YARS1: variants seen among roughly 807,000 people sequenced by gnomAD.
YARS1 encodes tyrosyl-tRNA synthetase 1, also known as tyrosine--tRNA ligase, cytoplasmic.
In YARS1, 36 loss-of-function variants were observed where a neutral mutation model predicts 62.2. The ratio of observed to expected loss-of-function variants is 0.58; its 90% CI spans 0.44 to 0.76. The LOEUF (loss-of-function observed/expected upper bound fraction) is 0.76, where lower values mean the gene tolerates loss of function less well. Ranked by LOEUF, YARS1 falls within the 30% of genes least tolerant of loss-of-function variation. The pLI is 0.00. For synonymous variants in YARS1, 234 were observed against 244.9 expected, an observed-to-expected ratio of 0.96 and a Z score of 0.42; for missense variants, 524 against 639.8, an observed-to-expected ratio of 0.82 and a Z score of 1.95.
chr1:32,816,916 T>C lies in YARS1; in HGVS notation c.57+272A>G, dbSNP rs556076084. The stretch of plus-strand genomic sequence containing the variant: ...ACTAAGCACCACGTCTGGCACTTAA[T>C]AGGGGGGTGGAATGGGAGTCCTGGA... On this transcript the variant is annotated intron_variant, in intron 1 of 12. Coordinates refer to ENST00000373477, the MANE Select transcript of YARS1 (RefSeq NM_003680.4). 541 of 586,684 alleles carry C rather than the reference T, an allele frequency of 9.2e-4. 2 individuals carry two copies. Among genetic ancestry groups the C allele is most frequent in the African/African-American group, 4.8e-4 (26 of 53,748 alleles). The allele number at this position is 586,684 out of a possible 1,614,324, so 36.3% of individuals were successfully genotyped here.
At chr1:32,786,334 G>T (rs779441646) in intron 8 of YARS1, 28 bp downstream of exon 8, 6 of 1,606,208 alleles carry the variant, frequency 3.7e-6, no homozygotes, top group Non-Finnish European at 1.7e-6. Flanking sequence ...AGATCTTCAT[G>T]AAAGGATTCC....
At chr1:32,806,861 T>C (rs1201427633) in intron 3 of YARS1, among the ~76,000 whole-genome samples, 3 of 152,196 alleles carry the variant, frequency 2.0e-5, no homozygotes, top group Admixed American at 1.3e-4. Flanking sequence ...CTATTGGGTA[T>C]TGTGCTGATT....
At chr1:32,813,207 T>C (rs568474256) in intron 1 of YARS1, among the ~76,000 whole-genome samples, 21 of 152,338 alleles carry the variant, frequency 1.4e-4, no homozygotes, top group African/African-American at 5.1e-4. Flanking sequence ...AAAACGAAGC[T>C]GTAACCCAAC....
chr1:32,816,038 G>A (rs1311949184), intron 1 of YARS1, among the ~76,000 whole-genome samples: 1 of 151,520 alleles, frequency 6.6e-6, no homozygotes, highest in African/African-American at 2.4e-5. Context: ...GAACCTGGGA[G>A]GCGGAGGTTG....
intron 4 of YARS1, among the ~76,000 whole-genome samples, chr1:32,805,903 A>T (rs1448156530): frequency 2.0e-5 from 3 of 152,232 alleles, no homozygotes. Flanking sequence ...CGGAGGTTGC[A>T]GTGAGCCGAG....
chr1:32,812,743 C>A (rs1401797997), intron 1 of YARS1, among the ~76,000 whole-genome samples: 1 of 152,128 alleles, frequency 6.6e-6, no homozygotes, highest in African/African-American at 2.4e-5. Context: ...GAGGCCAAGG[C>A]GGGCAGATCA....
At chr1:32,783,190 C>T (rs532909408) in intron 8 of YARS1, 1 of 153,936 alleles carries the variant, frequency 6.5e-6, no homozygotes, top group South Asian at 2.0e-4. Context: ...GTGAAGCTAA[C>T]AACAGCTATA....
intron 6 of YARS1, among the ~76,000 whole-genome samples, chr1:32,788,564 T>C (rs544870780): frequency 6.6e-6 from 1 of 152,244 alleles, no homozygotes; most frequent in Admixed American, 6.5e-5. Context: ...CCCAAGTAGC[T>C]GGGATTACAG....
intron 5 of YARS1, among the ~76,000 whole-genome samples, chr1:32,796,437 C>T (rs1653586709): frequency 6.6e-6 from 1 of 150,872 alleles, no homozygotes; most frequent in African/African-American, 2.4e-5. Flanking sequence ...GTGATCATGG[C>T]TCACTGCAGC....
intron 1 of YARS1, among the ~76,000 whole-genome samples, chr1:32,815,306 G>T (rs1253595300): frequency 6.6e-6 from 1 of 152,090 alleles, no homozygotes; most frequent in African/African-American, 2.4e-5. Flanking sequence ...CTGAGATTGT[G>T]CCATTGCACT....
At chr1:32,797,411 C>T (rs536855455) in intron 5 of YARS1, among the ~76,000 whole-genome samples, 6 of 152,112 alleles carry the variant, frequency 3.9e-5, no homozygotes, top group African/African-American at 1.2e-4. Flanking sequence ...CTGGGAAATG[C>T]GAACCAAATG....
At chr1:32,782,342 T>C (rs1653086421) in intron 9 of YARS1, 62 bp downstream of exon 9, 1 of 1,613,210 alleles carries the variant, frequency 6.2e-7, no homozygotes, top group African/African-American at 1.3e-5. Flanking sequence ...CAGGCATTTT[T>C]CCAAGGCTCA....
chr1:32,811,318 T>C (rs889904870), intron 1 of YARS1: 5 of 513,034 alleles, frequency 9.7e-6, no homozygotes, highest in African/African-American at 3.9e-5. Flanking sequence ...CCCACCCCCC[T>C]TCCTCAAGGA....
At chr1:32,782,179 C>T (rs1653081894) in intron 9 of YARS1, 1 of 634,786 alleles carries the variant, frequency 1.6e-6, no homozygotes, top group Non-Finnish European at 2.7e-6. Flanking sequence ...CTTACACCAG[C>T]AGCTCTCAGC....
chr1:32,815,157 T>G (rs1315482519), intron 1 of YARS1, among the ~76,000 whole-genome samples: 2 of 152,170 alleles, frequency 1.3e-5, no homozygotes, highest in Admixed American at 1.3e-4. Flanking sequence ...GAGACCAGCC[T>G]GGCCAGCATG....
intron 8 of YARS1, 60 bp from the exon 9 acceptor site, chr1:32,782,599 ATCC>A: frequency 1.2e-6 from 2 of 1,610,328 alleles, no homozygotes; most frequent in Non-Finnish European, 1.7e-6. Flanking sequence ...GGACACCTGA[ATCC>A]AAAAAAGTAG....
chr1:32,797,509 A>G (rs577756792), intron 5 of YARS1: 6 of 555,246 alleles, frequency 1.1e-5, no homozygotes, highest in Admixed American at 3.1e-5. Context: ...CAGGTGCGGG[A>G]GCAGCTTCCT....
intron 11 of YARS1, 53 bp from the exon 12 acceptor site, chr1:32,779,576 CTG>C: frequency 6.2e-7 from 1 of 1,613,452 alleles, no homozygotes; most frequent in Non-Finnish European, 8.5e-7. Context: ...GTTCCAGTGA[CTG>C]TGGAGGCCAA....
At position 32,775,584 on chromosome 1, in the gene YARS1, A is replaced by G. The variant is rs1221649828; in HGVS notation, c.*397T>C. On this transcript the variant is annotated 3_prime_UTR_variant, in exon 13 of 13. Transcript: ENST00000373477. ...GTTGGGGAGAAGCTGTAATTAGCCT[A>G]GTCCAGGTACCAGATCCCAGCTAGG... The G allele has an allele frequency of 4.6e-6, 1 of 215,194 alleles. No homozygotes were observed. Among genetic ancestry groups the G allele is most frequent in the Admixed American group, 5.2e-5 (1 of 19,288 alleles). 13.3% of individuals were successfully genotyped at this position (215,194 alleles called of 1,614,324 possible). A position where few individuals can be genotyped will look rare whatever the true frequency, so the allele number is the denominator to read the frequency against.
Sources: gnomAD v4.1 joint callset for allele counts (sites outside exome capture counted in the v4.1 genomes callset) on GRCh38, gnomAD v4.1.1 for gene constraint, MANE v1.5 for transcripts, NCBI Gene and HGNC (gene_info 2026-07-23, HGNC 2026-07-21) for gene names.